Variants in STS observed in about 807,000 individuals in gnomAD.
STS encodes the protein steroid sulfatase.
STS carries 7 observed loss-of-function variants against 26.8 expected under a neutral mutation model. That is an observed-to-expected ratio of 0.26 (90% CI 0.15 to 0.49). The LOEUF (loss-of-function observed/expected upper bound fraction) is 0.49, where lower values mean the gene tolerates loss of function less well. Ranked by LOEUF, STS falls within the 20% of genes least tolerant of loss-of-function variation. The pLI is 0.98. For synonymous variants in STS, 199 were observed against 189.4 expected, an observed-to-expected ratio of 1.05 and a Z score of -0.42; for missense variants, 434 against 465.6, an observed-to-expected ratio of 0.93 and a Z score of 0.63.
At chrX:7,249,080 T>C (rs1923021067) in intron 2 of STS, among the ~76,000 whole-genome samples, 1 of 110,222 alleles carries the variant, frequency 9.1e-6, no homozygotes, top group African/African-American at 3.3e-5. Context: ...TTTACTCAGA[T>C]AAAAAAGCCT....
chrX:7,232,580 G>A (rs141091342), intron 2 of STS, among the ~76,000 whole-genome samples: 1,194 of 111,672 alleles, frequency 0.011, 12 homozygotes, highest in African/African-American at 0.037. Flanking sequence ...TATAGCAGGC[G>A]AGCAGTTTCC....
At chrX:7,283,127 C>T (rs930210140) in intron 7 of STS, among the ~76,000 whole-genome samples, 1 of 112,284 alleles carries the variant, frequency 8.9e-6, no homozygotes, top group Non-Finnish European at 1.9e-5. Flanking sequence ...TAATGCATCA[C>T]TTTTCTATCT....
intron 1 of STS, among the ~76,000 whole-genome samples, chrX:7,187,623 C>T (rs1427645520): frequency 8.9e-6 from 1 of 112,065 alleles, no homozygotes; most frequent in Non-Finnish European, 1.9e-5. Context: ...GACATTTTCA[C>T]AGTCAAAATT....
chrX:7,171,916 G>A (rs962577270), intron 1 of STS, among the ~76,000 whole-genome samples: 4 of 111,838 alleles, frequency 3.6e-5, no homozygotes, highest in African/African-American at 1.3e-4. Flanking sequence ...ATGTTTACAA[G>A]TTTTTTGAGG....
At chrX:7,252,075 C>T (rs1236946212) in intron 2 of STS, among the ~76,000 whole-genome samples, 1 of 111,218 alleles carries the variant, frequency 9.0e-6, no homozygotes, top group East Asian at 2.8e-4. Flanking sequence ...TTAACACCTA[C>T]CCCTGACTCC....
intron 1 of STS, among the ~76,000 whole-genome samples, chrX:7,156,370 A>T (rs996289231): frequency 2.7e-5 from 3 of 110,649 alleles, no homozygotes; most frequent in African/African-American, 6.6e-5. Context: ...ATATATATTT[A>T]TATATAATTG....
chrX:7,214,919 A>ATG (rs1177291292), intron 2 of STS, among the ~76,000 whole-genome samples: 32 of 98,512 alleles, frequency 3.2e-4, no homozygotes, highest in South Asian at 2.2e-3. Flanking sequence ...ATATATATAT[A>ATG]TGTGTGTGTG....
chrX:7,198,075 G>A (rs1221715904), intron 2 of STS, among the ~76,000 whole-genome samples: 2 of 111,710 alleles, frequency 1.8e-5, no homozygotes, highest in Admixed American at 1.9e-4. Flanking sequence ...CCCCCCAATG[G>A]ATTATCTTTG....
intron 9 of STS, among the ~76,000 whole-genome samples, chrX:7,329,846 G>A (rs1927662003): frequency 1.8e-5 from 2 of 111,862 alleles, no homozygotes; most frequent in Non-Finnish European, 3.8e-5. Context: ...GTGGATCCAA[G>A]GTTTCTACTT....
At chrX:7,220,809 A>G (rs1317520938) in intron 2 of STS, among the ~76,000 whole-genome samples, 3 of 110,067 alleles carry the variant, frequency 2.7e-5, no homozygotes, top group Admixed American at 1.9e-4. Context: ...CGGCCTCCCA[A>G]AGTGTTGGGA....
rs1921442467 is a variant in STS at position 7,219,327 on chromosome X, ACACAAAT to A, written c.-5+28322_-5+28328del. ...CAGATTGTGTCTGCATTTATCTTTGACACAAATCATACCGAAGGGGAGAAGTTGCCCC... is the reference window on the plus strand; with the variant it reads ...CAGATTGTGTCTGCATTTATCTTTGACATACCGAAGGGGAGAAGTTGCCCC... On this transcript the variant is annotated intron_variant, in intron 2 of 10. Transcript: ENST00000674429. 6.0e-6 allele frequency: 5 copies of A among 827,722 alleles called. No homozygotes were observed. The South Asian group carries it at 1.8e-4, about 29-fold the overall frequency. 68.2% of individuals were successfully genotyped at this position (827,722 alleles called of 1,213,427 possible). A position where few individuals can be genotyped will look rare whatever the true frequency, so the allele number is the denominator to read the frequency against.
intron 7 of STS, among the ~76,000 whole-genome samples, chrX:7,294,489 C>T (rs1441357063): frequency 1.8e-5 from 2 of 111,351 alleles, no homozygotes; most frequent in Non-Finnish European, 3.8e-5. Flanking sequence ...CAATAATTAG[C>T]AGCAACACAA....
At chrX:7,283,749 G>A (rs1924991165) in intron 7 of STS, among the ~76,000 whole-genome samples, 1 of 111,687 alleles carries the variant, frequency 9.0e-6, no homozygotes, top group Non-Finnish European at 1.9e-5. Flanking sequence ...CAGAAGGACT[G>A]AAGTGGCAGA....
chrX:7,334,155 G>C, intron 10 of STS, 48 bp downstream of exon 10: 1 of 1,209,614 alleles, frequency 8.3e-7, no homozygotes, highest in Non-Finnish European at 1.1e-6. Context: ...TGCAACCTAT[G>C]CCATGGGAAT....
At chrX:7,244,814 T>G (rs1405086840) in intron 2 of STS, among the ~76,000 whole-genome samples, 1 of 111,287 alleles carries the variant, frequency 9.0e-6, no homozygotes, top group Non-Finnish European at 1.9e-5. Context: ...GAAACACTAT[T>G]AACAAAATCT....
At chrX:7,311,511 A>ATC (rs1191528325) in intron 8 of STS, among the ~76,000 whole-genome samples, 1 of 111,198 alleles carries the variant, frequency 9.0e-6, no homozygotes, top group Non-Finnish European at 1.9e-5. Context: ...TGTCACTCCA[A>ATC]TCTCTGCCTC....
chrX:7,335,223 A>G (rs919911722), intron 10 of STS, among the ~76,000 whole-genome samples: 12 of 112,376 alleles, frequency 1.1e-4, no homozygotes, highest in South Asian at 3.7e-4. Context: ...CACTCCCACC[A>G]ACAGTGTAAA....
At chrX:7,259,859 G>A in intron 6 of STS, 87 bp downstream of exon 6, 1 of 1,056,798 alleles carries the variant, frequency 9.5e-7, no homozygotes. Context: ...ACAGGGTTTT[G>A]TTGTTGTTGT....
intron 1 of STS, among the ~76,000 whole-genome samples, chrX:7,159,806 G>T (rs145339174): frequency 9.8e-5 from 11 of 112,521 alleles, no homozygotes; most frequent in African/African-American, 3.5e-4. Context: ...GCCAGGTGGA[G>T]AAATACATGC....
Sources: gnomAD v4.1 joint callset for allele counts (sites outside exome capture counted in the v4.1 genomes callset) on GRCh38, gnomAD v4.1.1 for gene constraint, MANE v1.5 for transcripts, NCBI Gene and HGNC (gene_info 2026-07-23, HGNC 2026-07-21) for gene names.